KAZN: variants seen among roughly 807,000 people sequenced by gnomAD.
KAZN encodes the protein kazrin, periplakin interacting protein, also known as kazrin.
A neutral mutation model predicts 87.4 loss-of-function variants in KAZN; 40 were observed. The ratio of observed to expected loss-of-function variants is 0.46; its 90% CI spans 0.36 to 0.60. The LOEUF (loss-of-function observed/expected upper bound fraction) is 0.60, where lower values mean the gene tolerates loss of function less well. Ranked by LOEUF, KAZN falls within the 20% of genes least tolerant of loss-of-function variation. KAZN has a pLI of 0.00. For synonymous variants in KAZN, 466 were observed against 458.3 expected, an observed-to-expected ratio of 1.02 and a Z score of -0.22; for missense variants, 898 against 1,073.9, an observed-to-expected ratio of 0.84 and a Z score of 2.29.
chr1:14,239,933 C>G (rs1200999505), intron 2 of KAZN, among the ~76,000 whole-genome samples: 2 of 152,116 alleles, frequency 1.3e-5, no homozygotes, highest in African/African-American at 4.8e-5. Flanking sequence ...AGGACAGCAG[C>G]TCTCCCTTGC....
At chr1:14,364,829 C>T (rs147103750) in intron 2 of KAZN, among the ~76,000 whole-genome samples, 124 of 152,312 alleles carry the variant, frequency 8.1e-4, no homozygotes, top group Non-Finnish European at 1.5e-3. Context: ...GGCCGCATCA[C>T]GTCAATCTCT....
Position 13,990,529 on chromosome 1 carries a change from G to C in KAZN, c.91+96773G>C, listed in dbSNP as rs540148978. Among the ~76,000 whole-genome samples the C allele has an allele frequency of 2.6e-5, 4 of 152,238 alleles. No homozygotes were observed. The East Asian group carries it at 7.7e-4, about 29-fold the overall frequency. ...ACACTAGCTGACCATGGTGAGTAGGGGAAAAGATTGGCTGAGAGGGGACAC... is the reference window on the plus strand; with the variant it reads ...ACACTAGCTGACCATGGTGAGTAGGCGAAAAGATTGGCTGAGAGGGGACAC... On this transcript the variant is annotated intron_variant, in intron 1 of 16. Coordinates refer to the KAZN transcript ENST00000636203.
chr1:14,924,226 G>T, intron 1 of KAZN: 1 of 981,228 alleles, frequency 1.0e-6, no homozygotes, highest in East Asian at 1.2e-4. Flanking sequence ...CTGGTCCGGC[G>T]CGCGCCGCCG....
At chr1:15,109,935 G>T (rs111203774) in intron 13 of KAZN, among the ~76,000 whole-genome samples, 3 of 132,950 alleles carry the variant, frequency 2.3e-5, no homozygotes, top group Admixed American at 7.8e-5. Flanking sequence ...GTGTGTGTGT[G>T]TGTGTGTTTG....
At chr1:14,904,309 G>GAAAAAA (rs34880967) in intron 1 of KAZN, among the ~76,000 whole-genome samples, 3 of 137,868 alleles carry the variant, frequency 2.2e-5, no homozygotes, top group Non-Finnish European at 3.1e-5. Flanking sequence ...CGTCTCAAAA[G>GAAAAAA]AAAAAAAAAA....
At chr1:14,322,229 C>CA (rs1294723115) in intron 2 of KAZN, among the ~76,000 whole-genome samples, 2 of 151,954 alleles carry the variant, frequency 1.3e-5, no homozygotes, top group Non-Finnish European at 2.9e-5. Flanking sequence ...AGTTTGTGTC[C>CA]AGCCTGGGCA....
intron 1 of KAZN, among the ~76,000 whole-genome samples, chr1:14,104,898 A>C (rs1351584699): frequency 6.6e-6 from 1 of 151,836 alleles, no homozygotes; most frequent in Non-Finnish European, 1.5e-5. Flanking sequence ...TTTATTTTGC[A>C]TTTTTTTCCC....
intron 2 of KAZN, among the ~76,000 whole-genome samples, chr1:14,450,271 C>G (rs1440467232): frequency 6.6e-6 from 1 of 152,158 alleles, no homozygotes; most frequent in East Asian, 1.9e-4. Flanking sequence ...TCATGATAAG[C>G]TAGCACAGGG....
intron 1 of KAZN, among the ~76,000 whole-genome samples, chr1:14,801,905 C>A (rs1039757432): frequency 1.3e-5 from 2 of 151,888 alleles, no homozygotes; most frequent in African/African-American, 2.4e-5. Flanking sequence ...AGTATGGTGT[C>A]TATCTCCTGA....
At chr1:14,984,919 C>T (rs527671922) in intron 2 of KAZN, among the ~76,000 whole-genome samples, 10 of 151,604 alleles carry the variant, frequency 6.6e-5, no homozygotes, top group African/African-American at 1.5e-4. Flanking sequence ...GGGCAGATCA[C>T]GAGGTCAGGA....
chr1:14,849,687 C>G (rs61772358), intron 1 of KAZN, among the ~76,000 whole-genome samples: 2 of 152,146 alleles, frequency 1.3e-5, no homozygotes, highest in African/African-American at 4.8e-5. Context: ...TAAGAGCTTG[C>G]GCTTTCTCTT....
intron 1 of KAZN, among the ~76,000 whole-genome samples, chr1:14,885,921 A>C (rs868047): frequency 1.3e-5 from 2 of 152,004 alleles, no homozygotes; most frequent in African/African-American, 4.8e-5. Flanking sequence ...CATGATGTAC[A>C]TAGCCAGGTC....
intron 2 of KAZN, among the ~76,000 whole-genome samples, chr1:14,411,594 T>A (rs1322054323): frequency 6.6e-6 from 1 of 152,144 alleles, no homozygotes; most frequent in East Asian, 1.9e-4. Flanking sequence ...GCCACCGCGC[T>A]CCCCTGGCAA....
At chr1:14,440,636 A>G (rs1281446143) in intron 2 of KAZN, among the ~76,000 whole-genome samples, 1 of 152,222 alleles carries the variant, frequency 6.6e-6, no homozygotes, top group South Asian at 2.1e-4. Flanking sequence ...CAGGGGTCCC[A>G]GTGCAAAATC....
chr1:14,234,840 C>T (rs1031515548), intron 2 of KAZN, among the ~76,000 whole-genome samples: 5 of 152,338 alleles, frequency 3.3e-5, no homozygotes, highest in Admixed American at 6.5e-5. Flanking sequence ...GTAGTAAGAA[C>T]CTTTCAGATA....
At chr1:14,905,848 T>TAATAAC (rs1299295894) in intron 1 of KAZN, among the ~76,000 whole-genome samples, 2 of 77,530 alleles carry the variant, frequency 2.6e-5, no homozygotes, top group Non-Finnish European at 4.5e-5. Flanking sequence ...GTCTCAAAAA[T>TAATAAC]AATAATAATA....
At chr1:14,903,009 C>T (rs1157430565) in intron 1 of KAZN, among the ~76,000 whole-genome samples, 1 of 151,846 alleles carries the variant, frequency 6.6e-6, no homozygotes, top group African/African-American at 2.4e-5. Flanking sequence ...GCTGGAATTA[C>T]AGGCACCTGC....
chr1:14,064,028 G>A (rs371092668), intron 1 of KAZN, among the ~76,000 whole-genome samples: 5 of 152,054 alleles, frequency 3.3e-5, no homozygotes, highest in African/African-American at 1.2e-4. Context: ...GCAATTCTCT[G>A]CCTCAGCCTC....
chr1:14,596,577 C>G (rs575245345), upstream of KAZN, among the ~76,000 whole-genome samples: 2 of 152,338 alleles, frequency 1.3e-5, no homozygotes, highest in African/African-American at 4.8e-5. Flanking sequence ...CAAAGTAACA[C>G]CCGGCACCTA....
Sources: gnomAD v4.1 joint callset for allele counts (sites outside exome capture counted in the v4.1 genomes callset) on GRCh38, gnomAD v4.1.1 for gene constraint, MANE v1.5 for transcripts, NCBI Gene and HGNC (gene_info 2026-07-23, HGNC 2026-07-21) for gene names.